The following MAJIN variants were observed in gnomAD, a reference collection of about 807,000 sequenced individuals.
MAJIN encodes the protein membrane-anchored junction protein.
In MAJIN, 27 loss-of-function variants were observed where a neutral mutation model predicts 30.2. The ratio of observed to expected loss-of-function variants is 0.89; its 90% CI spans 0.66 to 1.23. The LOEUF is 1.23. Among genes scored for constraint, MAJIN ranks in the 50% most tolerant of loss-of-function variants. The pLI is 0.00. For synonymous variants in MAJIN, 78 were observed against 91.6 expected, an observed-to-expected ratio of 0.85 and a Z score of 0.85; for missense variants, 253 against 260.3, an observed-to-expected ratio of 0.97 and a Z score of 0.19.
At chr11:64,939,027 T>C (rs1275022832) in intron 10 of MAJIN, among the ~76,000 whole-genome samples, 4 of 152,224 alleles carry the variant, frequency 2.6e-5, no homozygotes, top group Non-Finnish European at 5.9e-5. Flanking sequence ...CCTCCCAGGT[T>C]AAAGTGATTC....
chr11:64,947,751 A>T, intron 7 of MAJIN, 37 bp downstream of exon 7: 1 of 1,605,766 alleles, frequency 6.2e-7, no homozygotes, highest in Non-Finnish European at 8.5e-7. Context: ...AAGGTGATAA[A>T]GGCAATTTTC....
chr11:64,948,422 G>T (rs1945484034), intron 6 of MAJIN, among the ~76,000 whole-genome samples: 1 of 150,698 alleles, frequency 6.6e-6, no homozygotes, highest in South Asian at 2.1e-4. Flanking sequence ...CAAGGCCTTT[G>T]CACCCCTTTT....
intron 1 of MAJIN, among the ~76,000 whole-genome samples, 156 bp from the exon 2 acceptor site, chr11:64,960,291 T>G (rs1407366149): frequency 1.3e-5 from 2 of 152,220 alleles, no homozygotes; most frequent in Admixed American, 6.5e-5. Flanking sequence ...GTCGACAGAA[T>G]GGGCCCAAAA....
Position 64,944,994 on chromosome 11 carries a change from C to T in MAJIN, c.473+2380G>A, listed in dbSNP as rs559732136. The stretch of plus-strand genomic sequence containing the variant: ...GAAATCTAATTCCATCAGGGGCCAG[C>T]CCTTCACTGCTCTAGAAGTTTTCTC... On this transcript the variant is annotated intron_variant, in intron 8 of 10. Transcript: ENST00000301896. Among the ~76,000 whole-genome samples, 10 of 152,278 alleles carry T rather than the reference C, an allele frequency of 6.6e-5. No homozygotes were observed. In the South Asian group the frequency reaches 1.7e-3, roughly 25 times the overall value.
chr11:64,939,563 A>G (rs1945341856), intron 10 of MAJIN, 99 bp downstream of exon 10: 7 of 1,045,814 alleles, frequency 6.7e-6, no homozygotes, highest in Non-Finnish European at 1.0e-5. Context: ...AAGCCTCTGT[A>G]AGTAATCTGC....
Position 64,938,530 on chromosome 11 carries a change from A to G in MAJIN, c.*45T>C. On this transcript the variant is annotated 3_prime_UTR_variant, in exon 11 of 11. Coordinates refer to ENST00000301896, the MANE Select transcript of MAJIN (RefSeq NM_001037225.3). ...CAGCGCTGCATTTGGAAGGCTCAAG[A>G]GTGGCTGCTCTTCCTGAAGAAATAT... 1.3e-6 allele frequency: 2 copies of G among 1,535,836 alleles called. No homozygotes were observed. Among genetic ancestry groups the G allele is most frequent in the Non-Finnish European group, 1.7e-6 (2 of 1,146,696 alleles).
At chr11:64,950,096 G>A (rs565841879) in intron 5 of MAJIN, among the ~76,000 whole-genome samples, 20 of 152,242 alleles carry the variant, frequency 1.3e-4, no homozygotes, top group African/African-American at 4.3e-4. Context: ...TTGGGAGGCC[G>A]AGGCGGGTGG....
chr11:64,961,110 T>TA (rs933731942), intron 1 of MAJIN, among the ~76,000 whole-genome samples: 11 of 152,140 alleles, frequency 7.2e-5, no homozygotes, highest in Admixed American at 7.2e-4. Context: ...TGGTTAGACT[T>TA]ACATTGCTGC....
chr11:64,941,705 A>G (rs1343774159), intron 8 of MAJIN, among the ~76,000 whole-genome samples: 2 of 152,188 alleles, frequency 1.3e-5, no homozygotes, highest in East Asian at 3.8e-4. Context: ...ACGAATCCAT[A>G]TAGAGTGCTG....
intron 1 of MAJIN, among the ~76,000 whole-genome samples, chr11:64,966,144 T>TAAAAAAAAAAA (rs1945804233): frequency 1.9e-4 from 2 of 10,390 alleles, no homozygotes; most frequent in African/African-American, 7.9e-4. Context: ...AGATTAAAAA[T>TAAAAAAAAAAA]GAAAAAAAAA....
chr11:64,945,445 G>GA (rs1302293049), intron 8 of MAJIN, among the ~76,000 whole-genome samples: 38 of 143,242 alleles, frequency 2.7e-4, no homozygotes, highest in Admixed American at 2.6e-3. Context: ...TTCCTAAAGG[G>GA]AAAATTCTAT....
chr11:64,953,844 A>G (rs1008142034), intron 4 of MAJIN, among the ~76,000 whole-genome samples: 1 of 152,204 alleles, frequency 6.6e-6, no homozygotes, highest in African/African-American at 2.4e-5. Context: ...TCTTGGTCCT[A>G]TGTTAAAATA....
chr11:64,961,217 G>T lies in MAJIN; in HGVS notation c.-64-1082C>A, dbSNP rs140044476. On this transcript the variant is annotated intron_variant, in intron 1 of 10. Transcript: ENST00000301896. The stretch of plus-strand genomic sequence containing the variant: ...GGGTCTCACTCTGTCACCCAGGCTG[G>T]AGTGCAGTGGCATGATCTCGGCTCA... Among the ~76,000 whole-genome samples the T allele has an allele frequency of 4.9e-3, 750 of 151,660 alleles. 4 individuals are homozygous for T. The highest frequency in any genetic ancestry group is 0.016 in the African/African-American group (682 of 41,358).
chr11:64,948,639 A>C (rs866715421), intron 6 of MAJIN, among the ~76,000 whole-genome samples: 3 of 18,474 alleles, frequency 1.6e-4, no homozygotes, highest in African/African-American at 8.6e-4. Flanking sequence ...ATATATATAT[A>C]TTTTTTTTTT....
chr11:64,966,150 A>AAAAAAAAAAAAAAAAAAAAAAAAC (rs1945805827), intron 1 of MAJIN, among the ~76,000 whole-genome samples: 1 of 148,336 alleles, frequency 6.7e-6, no homozygotes, highest in Non-Finnish European at 1.5e-5. Flanking sequence ...AAAATGAAAA[A>AAAAAAAAAAAAAAAAAAAAAAAAC]AAAAAAAAAA....
In MAJIN at chr11:64,938,604, C is replaced by T. The variant is rs774723320; in HGVS notation, c.*2-31G>A. Reference sequence around the variant, plus strand: ...AGAATGAGAACAGAGTAGGCTGAGACTCTATGAGGTCTCCTTCCCTTCTCC... The same window carrying T: ...AGAATGAGAACAGAGTAGGCTGAGATTCTATGAGGTCTCCTTCCCTTCTCC... On this transcript the variant is annotated intron_variant, in intron 10 of 10. Coordinates refer to ENST00000301896, the MANE Select transcript of MAJIN (RefSeq NM_001037225.3). 7 of 1,531,622 alleles carry T rather than the reference C, an allele frequency of 4.6e-6. 1 individual carries two copies. Among genetic ancestry groups the T allele is most frequent in the South Asian group, 2.4e-5 (2 of 83,972 alleles). The allele number at this position is 1,531,622 out of a possible 1,614,324, so 94.9% of individuals were successfully genotyped here. A position where few individuals can be genotyped will look rare whatever the true frequency, so the allele number is the denominator to read the frequency against.
chr11:64,942,980 C>T (rs1715918587), intron 8 of MAJIN, among the ~76,000 whole-genome samples: 1 of 152,194 alleles, frequency 6.6e-6, no homozygotes, highest in Non-Finnish European at 1.5e-5. Context: ...AAAGTCTCCT[C>T]ACAAGACACT....
At chr11:64,960,014 CAATT>C (rs1394845992) in intron 2 of MAJIN, 71 bp downstream of exon 2, 1 of 152,314 alleles carries the variant, frequency 6.6e-6, no homozygotes, top group Non-Finnish European at 1.5e-5. Flanking sequence ...CCAGATCTAT[CAATT>C]ACTCTTCCTT....
chr11:64,940,776 C>T, intron 8 of MAJIN, 130 bp from the exon 9 acceptor site: 5 of 566,980 alleles, frequency 8.8e-6, no homozygotes, highest in South Asian at 4.0e-5. Context: ...TAGACAGGTT[C>T]TATATTTCTT....
Sources: gnomAD v4.1 joint callset for allele counts (sites outside exome capture counted in the v4.1 genomes callset) on GRCh38, gnomAD v4.1.1 for gene constraint, MANE v1.5 for transcripts, NCBI Gene and HGNC (gene_info 2026-07-23, HGNC 2026-07-21) for gene names.